SEMA5B: variants seen among roughly 807,000 people sequenced by gnomAD.
SEMA5B encodes semaphorin-5B.
A neutral mutation model predicts 135.0 loss-of-function variants in SEMA5B; 66 were observed. The observed-to-expected ratio is 0.49, with a 90% CI of 0.40 to 0.60. The LOEUF (loss-of-function observed/expected upper bound fraction) is 0.60. SEMA5B is among the 20% of genes least tolerant of loss of function. SEMA5B has a pLI of 0.00. For synonymous variants in SEMA5B, 690 were observed against 639.5 expected (o/e 1.08, Z -1.19); for missense variants, 1,501 against 1,566.3 (o/e 0.96, Z 0.70).
At chr3:122,994,832 G>C (rs1941987860) in intron 1 of SEMA5B, among the ~76,000 whole-genome samples, 1 of 152,162 alleles carries the variant, frequency 6.6e-6, no homozygotes, top group South Asian at 2.1e-4. Context: ...AAATCAAATT[G>C]GATGAAATGG....
intron 1 of SEMA5B, among the ~76,000 whole-genome samples, chr3:123,005,852 C>T (rs1289523489): frequency 6.6e-6 from 1 of 152,214 alleles, no homozygotes; most frequent in Non-Finnish European, 1.5e-5. Context: ...GTCTCCATCC[C>T]ACCAATTCCT....
chr3:122,928,756 C>T lies in SEMA5B; in HGVS notation c.538-141G>A, dbSNP rs542662301. The T allele has an allele frequency of 2.0e-5, 15 of 749,042 alleles. No homozygotes were observed. In the South Asian group the frequency reaches 2.2e-4, roughly 11 times the overall value. The allele number at this position is 749,042 out of a possible 1,614,324, so 46.4% of individuals were successfully genotyped here. Reference sequence around the variant, plus strand: ...CCCCAGATCCACCTGTCCCGACGTCCGGGTCACGTCTGTGGACGTCCCCTC... The same window carrying T: ...CCCCAGATCCACCTGTCCCGACGTCTGGGTCACGTCTGTGGACGTCCCCTC... On this transcript the variant is annotated intron_variant, in intron 6 of 22. Transcript: ENST00000357599.
Position 122,997,526 on chromosome 3 carries a change from C to G in SEMA5B, c.-39+29938G>C, listed in dbSNP as rs936541355. ...GCTGGTCCCCAGGCCTCTCCCCCCC[C>G]CGTCTCCACCAGGGCATGTTGGTGG... On this transcript the variant is annotated intron_variant, in intron 1 of 22. Transcript: ENST00000357599. Among the ~76,000 whole-genome samples the G allele has an allele frequency of 4.0e-5, 6 of 151,870 alleles. 1 individual carries two copies. Among genetic ancestry groups the G allele is most frequent in the South Asian group, 4.2e-4 (2 of 4,790 alleles).
chr3:122,948,837 G>T, intron 2 of SEMA5B, 128 bp from the exon 3 acceptor site: 1 of 748,936 alleles, frequency 1.3e-6, no homozygotes, highest in Non-Finnish European at 2.1e-6. Context: ...ATGTTACTCA[G>T]AGTTTGCTCT....
rs758170926 is a variant in SEMA5B, at chr3:122,926,594, G to A, written c.934C>T (p.Arg312Cys). 12 of 1,614,204 alleles carry A rather than the reference G, an allele frequency of 7.4e-6. No individual in the cohort carries two copies. Among genetic ancestry groups the A allele is most frequent in the South Asian group, 1.1e-5 (1 of 91,068 alleles). ...CGGGCCACGCGAGAGTACACGGTGCGTCCACAGTCGTGCTCCACTGCGTTC... is the reference window on the plus strand; with the variant it reads ...CGGGCCACGCGAGAGTACACGGTGCATCCACAGTCGTGCTCCACTGCGTTC... ...RENAVEHDCG[R>C]TVYSRVARVC... Residue 312 changes from arginine (R) to cysteine (C), a missense_variant, in exon 9 of 23, where the codon CGC becomes TGC. Transcript: ENST00000357599.
chr3:122,948,609 T>C lies in SEMA5B; in HGVS notation c.225A>G (p.Thr75=), dbSNP rs147624236. The C allele has an allele frequency of 2.5e-6, 4 of 1,613,960 alleles. No homozygotes were observed. The highest frequency in any genetic ancestry group is 3.4e-6 in the Non-Finnish European group (4 of 1,179,940). ...LAVSLLLPSL[T]LLVSHLSSSQ... ...AGCTGGAGAGGTGGGACACCAGCAG[T>C]GTGAGGCTGGGCAGCAACAGCGAGA... Residue 75 remains threonine (T), a synonymous_variant, in exon 3 of 23, where the codon ACA becomes ACG. Coordinates refer to ENST00000357599, the MANE Select transcript of SEMA5B (RefSeq NM_001031702.4).
chr3:122,911,126 C>G, intron 21 of SEMA5B, 81 bp from the exon 22 acceptor site: 1 of 1,278,572 alleles, frequency 7.8e-7, no homozygotes, highest in South Asian at 1.4e-5. Context: ...GGAGCAGAAA[C>G]AGCAACAGGA....
chr3:122,990,286 G>A (rs75771221), intron 1 of SEMA5B, among the ~76,000 whole-genome samples: 2,548 of 152,226 alleles, frequency 0.017, 70 homozygotes, highest in African/African-American at 0.058. Context: ...GAGTCAATGG[G>A]AGACATGGAA....
intron 1 of SEMA5B, among the ~76,000 whole-genome samples, chr3:123,009,787 G>A (rs1220481159): frequency 6.6e-6 from 1 of 152,138 alleles, no homozygotes; most frequent in Non-Finnish European, 1.5e-5. Context: ...ATATAGGAGG[G>A]GAAAACTGGG....
intron 1 of SEMA5B, among the ~76,000 whole-genome samples, chr3:122,966,739 T>C (rs1940854463): frequency 6.7e-6 from 1 of 150,308 alleles, no homozygotes; most frequent in Non-Finnish European, 1.5e-5. Context: ...TTTGCATTTT[T>C]AGTAGAGACG....
chr3:122,969,886 G>A (rs1941038249), intron 1 of SEMA5B, among the ~76,000 whole-genome samples: 2 of 152,206 alleles, frequency 1.3e-5, no homozygotes, highest in Admixed American at 1.3e-4. Flanking sequence ...GTGGGTGTGT[G>A]TTATGTGCTG....
chr3:122,913,122 T>C (rs2107610706), intron 17 of SEMA5B, 61 bp from the exon 18 acceptor site: 1 of 1,417,466 alleles, frequency 7.1e-7, no homozygotes, highest in Non-Finnish European at 9.2e-7. Flanking sequence ...GGCCTGGGCC[T>C]CCCCGGGGCT....
intron 5 of SEMA5B, 94 bp downstream of exon 5, chr3:122,939,331 G>T (rs1360652093): frequency 6.1e-6 from 6 of 984,932 alleles, no homozygotes; most frequent in South Asian, 2.6e-5. Context: ...TCAACTTTAG[G>T]GGCTGAATTC....
intron 2 of SEMA5B, among the ~76,000 whole-genome samples, chr3:122,959,869 CCAAA>C (rs1338097894): frequency 6.6e-6 from 1 of 152,254 alleles, no homozygotes; most frequent in African/African-American, 2.4e-5. Context: ...TTCTTATTTA[CCAAA>C]CATTCTGTAA....
intron 2 of SEMA5B, among the ~76,000 whole-genome samples, chr3:122,958,057 G>A (rs954942191): frequency 1.6e-4 from 24 of 152,252 alleles, no homozygotes; most frequent in Non-Finnish European, 3.4e-4. Context: ...AATGGCTCCA[G>A]AGAAACAAAT....
intron 2 of SEMA5B, among the ~76,000 whole-genome samples, chr3:122,959,801 T>C (rs539153349): frequency 6.6e-6 from 1 of 152,314 alleles, no homozygotes; most frequent in African/African-American, 2.4e-5. Context: ...TTGCACAGAT[T>C]AGCATTACAA....
At chr3:123,028,472 G>A (rs1413221218), upstream of SEMA5B, 1 of 152,250 alleles carries the variant, frequency 6.6e-6, no homozygotes, top group East Asian at 1.9e-4. Flanking sequence ...AGAACGAGTA[G>A]GGGATACGGG....
At chr3:122,976,911 A>G (rs759480183) in intron 1 of SEMA5B, among the ~76,000 whole-genome samples, 4 of 152,172 alleles carry the variant, frequency 2.6e-5, no homozygotes, top group Non-Finnish European at 1.5e-5. Context: ...TTAGCCAGGC[A>G]TGGTGGCACG....
chr3:122,953,656 G>A (rs1181765715), intron 2 of SEMA5B, among the ~76,000 whole-genome samples: 1 of 152,198 alleles, frequency 6.6e-6, no homozygotes, highest in African/African-American at 2.4e-5. Flanking sequence ...AGAGCAAGGA[G>A]TCTATGCCTG....
Sources: allele counts gnomAD v4.1 joint callset (sites outside exome capture counted in the v4.1 genomes callset), GRCh38; gene constraint gnomAD v4.1.1; transcripts MANE v1.5; gene names NCBI Gene and HGNC (gene_info 2026-07-23, HGNC 2026-07-21).